COL24A1: variants seen among roughly 807,000 people sequenced by gnomAD.
COL24A1 encodes the protein collagen type XXIV alpha 1 chain.
Under a neutral mutation model 253.9 loss-of-function variants are expected in COL24A1, and 224 were observed. That is an observed-to-expected ratio of 0.88 (90% CI 0.79 to 0.99). COL24A1 has a LOEUF of 0.99. Among genes scored for constraint, COL24A1 ranks in the 50% least tolerant of loss-of-function variants. COL24A1 has a pLI of 0.00. For synonymous variants in COL24A1, 685 were observed against 673.7 expected (o/e 1.02, Z -0.26); for missense variants, 2,131 against 2,068.5 (o/e 1.03, Z -0.59).
At chr1:86,020,513 T>C (rs1355457701) in intron 18 of COL24A1, among the ~76,000 whole-genome samples, 3 of 152,296 alleles carry the variant, frequency 2.0e-5, no homozygotes, top group South Asian at 2.1e-4. Context: ...CAACATGTTA[T>C]AAATATAAAT....
At chr1:85,924,618 C>T (rs1484796263) in intron 24 of COL24A1, among the ~76,000 whole-genome samples, 1 of 152,192 alleles carries the variant, frequency 6.6e-6, no homozygotes, top group Non-Finnish European at 1.5e-5. Context: ...CAAAACTCAA[C>T]AGCCCTTCAT....
intron 5 of COL24A1, among the ~76,000 whole-genome samples, chr1:86,092,808 G>A (rs1703603455): frequency 6.6e-6 from 1 of 151,718 alleles, no homozygotes; most frequent in South Asian, 2.1e-4. Flanking sequence ...ACATAAAAAA[G>A]ATACCTCTAA....
intron 19 of COL24A1, among the ~76,000 whole-genome samples, chr1:86,001,912 T>TG (rs1348148892): frequency 6.6e-6 from 1 of 152,176 alleles, no homozygotes; most frequent in African/African-American, 2.4e-5. Context: ...ACCTGATGTC[T>TG]GGGAAAAAAG....
chr1:85,910,466 A>T (rs1685255864), intron 25 of COL24A1, among the ~76,000 whole-genome samples: 2 of 151,980 alleles, frequency 1.3e-5, no homozygotes, highest in African/African-American at 4.8e-5. Context: ...TAAGTCTGGA[A>T]GATCATGATA....
chr1:86,029,252 C>G (rs1407224194), intron 14 of COL24A1, among the ~76,000 whole-genome samples: 2 of 151,998 alleles, frequency 1.3e-5, no homozygotes, highest in Non-Finnish European at 2.9e-5. Flanking sequence ...GGAGGTGGTA[C>G]AGACCAACGA....
intron 24 of COL24A1, among the ~76,000 whole-genome samples, chr1:85,933,210 A>G (rs867299127): frequency 4.6e-5 from 7 of 152,210 alleles, no homozygotes; most frequent in Admixed American, 6.5e-5. Flanking sequence ...AGGAGGCATG[A>G]AAACTGCTAA....
chr1:85,762,255 A>T (rs1558025263), intron 53 of COL24A1, among the ~76,000 whole-genome samples: 1 of 152,194 alleles, frequency 6.6e-6, no homozygotes, highest in East Asian at 1.9e-4. Flanking sequence ...AAGATGGCAA[A>T]GCAACACTTA....
At chr1:85,899,136 G>A (rs368084422) in intron 28 of COL24A1, among the ~76,000 whole-genome samples, 6 of 152,170 alleles carry the variant, frequency 3.9e-5, no homozygotes, top group South Asian at 4.2e-4. Context: ...AATTTTAGCC[G>A]TCTCTATTGA....
intron 24 of COL24A1, among the ~76,000 whole-genome samples, chr1:85,958,151 A>C (rs1055040362): frequency 2.6e-5 from 4 of 152,192 alleles, no homozygotes; most frequent in African/African-American, 7.2e-5. Context: ...CTGAAAAAAA[A>C]ACAAATATTT....
chr1:85,970,278 A>C lies in COL24A1; in HGVS notation c.2419-7T>G. 1 of 1,585,436 alleles carries C rather than the reference A, an allele frequency of 6.3e-7. No individual in the cohort carries two copies. The highest frequency in any genetic ancestry group is 8.6e-7 in the Non-Finnish European group (1 of 1,169,038). ...CAATTGGTCCTTCTTCTCCCTTAAA[A>C]AAAAAAAAAGTCAGAACATATTATG... On this transcript the variant is annotated splice_region_variant and splice_polypyrimidine_tract_variant and intron_variant, in intron 21 of 59. Transcript: ENST00000370571.
chr1:85,980,920 A>T (rs1191930833), intron 20 of COL24A1, among the ~76,000 whole-genome samples: 1 of 152,208 alleles, frequency 6.6e-6, no homozygotes, highest in Non-Finnish European at 1.5e-5. Context: ...CCGTCTCAAA[A>T]AAAAAAGAAA....
intron 3 of COL24A1, among the ~76,000 whole-genome samples, chr1:86,121,240 T>C (rs894730508): frequency 2.8e-4 from 43 of 152,104 alleles, no homozygotes; most frequent in African/African-American, 1.0e-3. Flanking sequence ...TGTATACATA[T>C]GTAACAAACC....
At chr1:85,737,560 T>C (rs1463802855) in intron 57 of COL24A1, 55 bp from the exon 58 acceptor site, 6 of 1,242,900 alleles carry the variant, frequency 4.8e-6, no homozygotes, top group Admixed American at 2.4e-5. Context: ...ATAATCCTTA[T>C]AATTTCTTTT....
chr1:85,733,906 A>ATT (rs112415867), intron 59 of COL24A1, among the ~76,000 whole-genome samples: 77 of 131,442 alleles, frequency 5.9e-4, no homozygotes, highest in East Asian at 1.5e-3. Flanking sequence ...ATTTAATTTA[A>ATT]TTTTTTTTTT....
chr1:85,830,294 T>G (rs555673020), intron 43 of COL24A1, among the ~76,000 whole-genome samples: 2 of 151,606 alleles, frequency 1.3e-5, no homozygotes, highest in Admixed American at 1.3e-4. Flanking sequence ...AGATCTCCAG[T>G]TGCATGCTGG....
chr1:85,840,925 A>G (rs1676542202), intron 42 of COL24A1, among the ~76,000 whole-genome samples: 1 of 152,168 alleles, frequency 6.6e-6, no homozygotes, highest in Non-Finnish European at 1.5e-5. Flanking sequence ...TCTAGAGTGT[A>G]TAAGTTTTCT....
At chr1:86,122,628 C>A (rs1284332253) in intron 3 of COL24A1, among the ~76,000 whole-genome samples, 1 of 151,996 alleles carries the variant, frequency 6.6e-6, no homozygotes, top group Non-Finnish European at 1.5e-5. Context: ...TTCTCTCAAT[C>A]TGCAGGCTTA....
chr1:86,111,280 T>C (rs1181091730), intron 5 of COL24A1, among the ~76,000 whole-genome samples: 1 of 152,138 alleles, frequency 6.6e-6, no homozygotes, highest in Non-Finnish European at 1.5e-5. Context: ...AAGTTTTATG[T>C]CTAGCTAGAG....
chr1:85,920,811 T>C lies in COL24A1; in HGVS notation c.2563-9378A>G, dbSNP rs539552748. Among the ~76,000 whole-genome samples the C allele has an allele frequency of 3.3e-5, 5 of 152,134 alleles. No homozygotes were observed. In the East Asian group the frequency reaches 9.6e-4, roughly 29 times the overall value. On this transcript the variant is annotated intron_variant, in intron 24 of 59. Transcript: ENST00000370571. ...TAAAGAATCTATCTTGAAATACTGATTTGTGTCTCCATAGAACAATCAATT... is the reference window on the plus strand; with the variant it reads ...TAAAGAATCTATCTTGAAATACTGACTTGTGTCTCCATAGAACAATCAATT...
Sources: allele counts gnomAD v4.1 joint callset (sites outside exome capture counted in the v4.1 genomes callset), GRCh38; gene constraint gnomAD v4.1.1; transcripts MANE v1.5; gene names NCBI Gene and HGNC (gene_info 2026-07-23, HGNC 2026-07-21).